ZNF468: variants seen among roughly 807,000 people sequenced by gnomAD.
ZNF468 encodes the protein zinc finger protein ZNF468.
In ZNF468, 8 loss-of-function variants were observed where a neutral mutation model predicts 7.2. The ratio of observed to expected loss-of-function variants is 1.11; its 90% confidence interval spans 0.65 to 2.01. ZNF468 has a LOEUF of 2.01. Among genes scored for constraint, ZNF468 ranks in the 30% most tolerant of loss-of-function variants. The probability of loss-of-function intolerance (pLI) is 0.00; values close to 1 mark genes in which losing one functional copy is unlikely to be tolerated. For synonymous variants in ZNF468, 218 were observed against 214.4 expected, an observed-to-expected ratio of 1.02 and a Z score of -0.15; for missense variants, 608 against 626.5, an observed-to-expected ratio of 0.97 and a Z score of 0.31.
Position 52,840,673 on chromosome 19 carries a change from T to C in ZNF468, c.*52A>G. On this transcript the variant is annotated 3_prime_UTR_variant, in exon 4 of 4. Coordinates refer to ENST00000595646, the MANE Select transcript of ZNF468 (RefSeq NM_001008801.2). ...TTTCTCTCCAGTATGAATTGCCTTA[T>C]GACTTACAGGGTTGAATTGTGATGG... The C allele has an allele frequency of 6.2e-7, 1 of 1,612,418 alleles. No individual in the cohort carries two copies. Among genetic ancestry groups the C allele is most frequent in the Non-Finnish European group, 8.5e-7 (1 of 1,178,622 alleles).
Position 52,840,906 on chromosome 19 carries a change from C to A in ZNF468, c.1388G>T (p.Gly463Val). Residue 463 changes from glycine to valine, a missense_variant, in exon 4 of 4, where the codon GGA (glycine) becomes GTA (valine). Gly to Val is a moderately radical substitution (Grantham distance 109). Transcript: ENST00000595646. ...CTCATTACACTTGTAAGGTTTCTCT[C>A]CAGTATGAACTCTCTGATGTTGTGC... ...HLAQHQRVHT[G>V]EKPYKCNECG... 6.2e-7 allele frequency: 1 copy of A among 1,613,994 alleles called. No individual in the cohort carries two copies.
chr19:52,840,039 A>C lies in ZNF468; in HGVS notation c.*686T>G. ...GTTTGCCACACTCATTGCACTTGTA[A>C]GGTTTCTCTCCAGTGTGAATTCTAG... On this transcript the variant is annotated 3_prime_UTR_variant, in exon 4 of 4. Transcript: ENST00000595646. The C allele has an allele frequency of 7.8e-7, 1 of 1,289,428 alleles. No individual in the cohort carries two copies. The highest frequency in any genetic ancestry group is 3.5e-5 in the East Asian group (1 of 28,816). The allele number at this position is 1,289,428 out of a possible 1,614,324, so 79.9% of individuals were successfully genotyped here.
chr19:52,841,830 T>C lies in ZNF468; in HGVS notation c.464A>G (p.Gln155Arg), dbSNP rs1163712248. ...TTGATTACCAATTTTCCCTTCAGAC[T>C]GAAATATGTGCGGTTCAGGCAGATG... Reference protein sequence around the residue: ...HLHLPEPHIFQSEGKIGNQVE... With the variant: ...HLHLPEPHIFRSEGKIGNQVE... Residue 155 changes from glutamine (Q) to arginine (R), a missense_variant, in exon 4 of 4, where the codon CAG becomes CGG. Transcript: ENST00000595646. 6.8e-6 allele frequency: 11 copies of C among 1,614,104 alleles called. No individual in the cohort carries two copies. The highest frequency in any genetic ancestry group is 9.3e-6 in the Non-Finnish European group (11 of 1,179,996).
Position 52,840,272 on chromosome 19 carries a change from A to G in ZNF468, c.*453T>C, listed in dbSNP as rs2063283499. The G allele has an allele frequency of 9.9e-6, 4 of 405,738 alleles. No individual in the cohort carries two copies. The highest frequency in any genetic ancestry group is 8.4e-5 in the South Asian group (4 of 47,742). The allele number at this position is 405,738 out of a possible 1,614,324, so 25.1% of individuals were successfully genotyped here. ...GTGATTGTTGATTAAAAACCATGTC[A>G]CATTCATTGTGCTTGTAAGGTTTCT... On this transcript the variant is annotated 3_prime_UTR_variant, in exon 4 of 4. Coordinates refer to ENST00000595646, the MANE Select transcript of ZNF468 (RefSeq NM_001008801.2).
At position 52,841,448 on chromosome 19, in the gene ZNF468, A is replaced by G. The variant is rs10420793; in HGVS notation, c.846T>C (p.His282=). 487,574 of 1,612,758 alleles carry G rather than the reference A, an allele frequency of 0.3. 78,892 individuals carry two copies. Among genetic ancestry groups the G allele is most frequent in the African/African-American group, 0.53 (39,530 of 74,792 alleles). ...KCNECGKTFG[H]NSSLFIHKAL... The stretch of plus-strand genomic sequence containing the variant: ...CTTTGTGAATGAAGAGGGATGAATT[A>G]TGACCAAAGGTCTTGCCACACTCAT... The change falls in exon 4 of 4, where the codon CAT becomes CAC. Residue 282 remains histidine (H), a synonymous_variant. Coordinates refer to ENST00000595646, the MANE Select transcript of ZNF468 (RefSeq NM_001008801.2).
chr19:52,841,043 G>A lies in ZNF468; in HGVS notation c.1251C>T (p.Cys417=). The A allele has an allele frequency of 6.2e-7, 1 of 1,612,990 alleles. No homozygotes were observed. Among genetic ancestry groups the A allele is most frequent in the South Asian group, 1.1e-5 (1 of 91,056 alleles). ...GEKPYKCEEC[C]KVFSRKSNLE... ...GGTTTGATTTGCGACTGAAAACTTTGCAACATTCTTCACATTTGTAAGGTT... is the reference window on the plus strand; with the variant it reads ...GGTTTGATTTGCGACTGAAAACTTTACAACATTCTTCACATTTGTAAGGTT... The change falls in exon 4 of 4, where the codon TGC becomes TGT. Residue 417 remains cysteine (C), a synonymous_variant. Coordinates refer to ENST00000595646, the MANE Select transcript of ZNF468 (RefSeq NM_001008801.2).
At chr19:52,853,310 T>A (rs1183016780) in intron 2 of ZNF468, among the ~76,000 whole-genome samples, 3 of 151,978 alleles carry the variant, frequency 2.0e-5, no homozygotes, top group Admixed American at 2.0e-4. Flanking sequence ...TGGCCAAGGG[T>A]CTAAGCTGCA....
intron 2 of ZNF468, among the ~76,000 whole-genome samples, chr19:52,851,412 T>C (rs1285240829): frequency 6.6e-6 from 1 of 152,058 alleles, no homozygotes; most frequent in Non-Finnish European, 1.5e-5. Flanking sequence ...CTGTCGCTAC[T>C]GAAAATACCA....
chr19:52,848,851 T>G (rs1245109675), intron 3 of ZNF468, among the ~76,000 whole-genome samples: 1 of 152,126 alleles, frequency 6.6e-6, no homozygotes, highest in Admixed American at 6.6e-5. Flanking sequence ...ACGACCAGGC[T>G]GCCATAAGGT....
chr19:52,841,058 T>C lies in ZNF468; in HGVS notation c.1236A>G (p.Lys412=). 6.2e-7 allele frequency: 1 copy of C among 1,612,678 alleles called. No homozygotes were observed. Among genetic ancestry groups the C allele is most frequent in the Non-Finnish European group, 8.5e-7 (1 of 1,179,242 alleles). Residue 412 remains lysine, a synonymous_variant, in exon 4 of 4, where the codon AAA becomes AAG. Coordinates refer to ENST00000595646, the MANE Select transcript of ZNF468 (RefSeq NM_001008801.2). The part of the protein sequence containing the change: ...RRIHSGEKPY[K]CEECCKVFSR... ...TGAAAACTTTGCAACATTCTTCACA[T>C]TTGTAAGGTTTCTCTCCACTATGAA...
chr19:52,854,001 A>G (rs530144638), intron 2 of ZNF468: 61 of 1,486,284 alleles, frequency 4.1e-5, no homozygotes, highest in Admixed American at 1.6e-4. Context: ...CTGACACCAC[A>G]GGACCCTCAC....
At chr19:52,856,453 A>G (rs576113224) in intron 1 of ZNF468, among the ~76,000 whole-genome samples, 2 of 142,734 alleles carry the variant, frequency 1.4e-5, no homozygotes, top group South Asian at 4.4e-4. Flanking sequence ...CAATCTCCAT[A>G]GATTTCTGCC....
chr19:52,856,277 T>G (rs2063437848), intron 1 of ZNF468, among the ~76,000 whole-genome samples: 1 of 151,970 alleles, frequency 6.6e-6, no homozygotes, highest in Non-Finnish European at 1.5e-5. Flanking sequence ...TTCCAGCACT[T>G]TGGGAGGTGG....
At chr19:52,848,872 C>T (rs1167366073) in intron 3 of ZNF468, among the ~76,000 whole-genome samples, 2 of 152,204 alleles carry the variant, frequency 1.3e-5, no homozygotes, top group East Asian at 1.9e-4. Context: ...TTTATGCTTA[C>T]TTTACTTCTG....
In ZNF468 at chr19:52,841,719, T is replaced by C. The variant is rs779959528; in HGVS notation, c.575A>G (p.Tyr192Cys). The change falls in exon 4 of 4, where the codon TAT (tyrosine) becomes TGT (cysteine). Residue 192 changes from tyrosine to cysteine, a missense_variant. By Grantham distance (194) the Tyr-to-Cys change is radical (BLOSUM62 -2). Transcript: ENST00000595646. ...TGAAGAATGGAGGGAATTATTTCCA[T>C]ACTTATTAGAAATATGGGTTTTGGG... ...CRPKTHISNK[Y>C]GNNSLHSSLL... The C allele has an allele frequency of 3.1e-6, 5 of 1,614,026 alleles. No homozygotes were observed. Among genetic ancestry groups the C allele is most frequent in the Admixed American group, 3.3e-5 (2 of 59,988 alleles).
At position 52,853,149 on chromosome 19, in the gene ZNF468, G is replaced by A. The variant is rs868075763; in HGVS notation, c.15+1109C>T. Among the ~76,000 whole-genome samples, 12 of 152,082 alleles carry A rather than the reference G, an allele frequency of 7.9e-5. No homozygotes were observed. The Middle Eastern group carries it at 0.01, about 129-fold the overall frequency. On this transcript the variant is annotated intron_variant, in intron 2 of 3. Transcript: ENST00000595646. ...GGATTACAGGTGTGAGCCACCGCGC[G>A]TGGCCCAGAATTTTTTTTAAAGTCT...
At chr19:52,843,210 T>C (rs1372995059) in intron 3 of ZNF468, among the ~76,000 whole-genome samples, 2 of 151,928 alleles carry the variant, frequency 1.3e-5, no homozygotes, top group African/African-American at 4.8e-5. Context: ...GGAACAGTTA[T>C]GTTGTGACTT....
chr19:52,846,357 A>G (rs1223736776), intron 3 of ZNF468, among the ~76,000 whole-genome samples: 1 of 151,988 alleles, frequency 6.6e-6, no homozygotes, highest in African/African-American at 2.4e-5. Flanking sequence ...CCACCACCGC[A>G]CCTGGCTAAC....
At position 52,841,308 on chromosome 19, in the gene ZNF468, CA is replaced by C. The variant is rs756300535; in HGVS notation, c.985del (p.Cys329ValfsTer155). On this transcript the variant is annotated frameshift_variant, in exon 4 of 4. Transcript: ENST00000595646. LOFTEE classifies it low-confidence loss of function (END_TRUNC). ...RIHTGEKPYK[C>X]KVCDEAFAYN... ...TGCGAAAGCCTCATCACAAACCTTA[CA>C]TTTGTATGGTTTCTCTCCAGTATGA... 7 of 1,613,724 alleles carry C rather than the reference CA, an allele frequency of 4.3e-6. No homozygotes were observed. The African/African-American group carries it at 9.4e-5, about 22-fold the overall frequency.
Sources: gnomAD v4.1 joint callset for allele counts (sites outside exome capture counted in the v4.1 genomes callset) on GRCh38, gnomAD v4.1.1 for gene constraint, MANE v1.5 for transcripts, NCBI Gene and HGNC (gene_info 2026-07-23, HGNC 2026-07-21) for gene names.